FNDC3B: variants seen among roughly 807,000 people sequenced by gnomAD.
FNDC3B encodes fibronectin type III domain containing 3B.
In FNDC3B, 12 loss-of-function variants were observed where a neutral mutation model predicts 151.5. The observed-to-expected ratio is 0.08, with a 90% confidence interval of 0.05 to 0.13. The LOEUF (loss-of-function observed/expected upper bound fraction) is 0.13. Among genes scored for constraint, FNDC3B ranks in the 10% least tolerant of loss-of-function variants. The probability of loss-of-function intolerance (pLI) is 1.00; values close to 1 mark genes in which losing one functional copy is unlikely to be tolerated. For missense variants in FNDC3B, 1,214 were observed against 1,505.3 expected (o/e 0.81, Z 3.20); for synonymous variants, 528 against 549.0 (o/e 0.96, Z 0.54).
At chr3:172,081,490 G>A (rs1718277280) in intron 1 of FNDC3B, among the ~76,000 whole-genome samples, 1 of 151,838 alleles carries the variant, frequency 6.6e-6, no homozygotes. Flanking sequence ...TAATTATTAT[G>A]GGTACATAAT....
intron 1 of FNDC3B, among the ~76,000 whole-genome samples, chr3:172,077,161 T>TA (rs536068939): frequency 6.3e-4 from 95 of 151,872 alleles, no homozygotes; most frequent in African/African-American, 2.1e-3. Flanking sequence ...TTAAAAAAAA[T>TA]AAAAAAAAGT....
At chr3:172,214,834 C>G (rs1322566780) in intron 3 of FNDC3B, among the ~76,000 whole-genome samples, 1 of 152,218 alleles carries the variant, frequency 6.6e-6, no homozygotes, top group Non-Finnish European at 1.5e-5. Context: ...AAAGACTTTG[C>G]TTTATGGCAG....
intron 1 of FNDC3B, among the ~76,000 whole-genome samples, chr3:172,052,448 G>A (rs182547490): frequency 6.6e-6 from 1 of 152,152 alleles, no homozygotes; most frequent in Admixed American, 6.5e-5. Flanking sequence ...TCCCCCAAAT[G>A]TGCCTTGCTG....
intron 13 of FNDC3B, among the ~76,000 whole-genome samples, chr3:172,331,522 T>C (rs895180439): frequency 6.6e-6 from 1 of 152,102 alleles, no homozygotes; most frequent in Non-Finnish European, 1.5e-5. Context: ...CACACCCGGC[T>C]AATTTTTTTT....
At chr3:172,204,828 T>A (rs557701971) in intron 3 of FNDC3B, among the ~76,000 whole-genome samples, 8 of 152,338 alleles carry the variant, frequency 5.3e-5, no homozygotes, top group Admixed American at 2.0e-4. Flanking sequence ...TTTTGTGTGT[T>A]AAATTTCAGA....
intron 3 of FNDC3B, among the ~76,000 whole-genome samples, chr3:172,197,676 G>A (rs1160621732): frequency 2.0e-5 from 3 of 152,204 alleles, no homozygotes; most frequent in Non-Finnish European, 4.4e-5. Flanking sequence ...TGTTACTTGT[G>A]ACAGTTACAG....
intron 3 of FNDC3B, among the ~76,000 whole-genome samples, chr3:172,140,787 G>C (rs1721589161): frequency 6.6e-6 from 1 of 152,204 alleles, no homozygotes; most frequent in African/African-American, 2.4e-5. Flanking sequence ...TCTCAAGGGA[G>C]GTACTCAGGG....
chr3:172,203,169 A>G (rs368589234), intron 3 of FNDC3B, among the ~76,000 whole-genome samples: 28 of 152,242 alleles, frequency 1.8e-4, no homozygotes, highest in East Asian at 7.7e-4. Context: ...GGGCACTCTA[A>G]CATCCTGGAG....
intron 6 of FNDC3B, among the ~76,000 whole-genome samples, chr3:172,276,400 A>T (rs1409621001): frequency 3.3e-5 from 5 of 152,182 alleles, no homozygotes. Flanking sequence ...GCAGATTTTA[A>T]CACATTGAAT....
intron 19 of FNDC3B, 75 bp from the exon 20 acceptor site, chr3:172,346,252 C>T: frequency 1.3e-6 from 1 of 771,702 alleles, no homozygotes; most frequent in Non-Finnish European, 2.1e-6. Context: ...TGGTTATAAG[C>T]TTTTGTATGC....
At chr3:172,080,875 T>C (rs1718247135) in intron 1 of FNDC3B, among the ~76,000 whole-genome samples, 1 of 152,218 alleles carries the variant, frequency 6.6e-6, no homozygotes, top group African/African-American at 2.4e-5. Flanking sequence ...GTTTCAAGTG[T>C]TGGACTCATT....
intron 1 of FNDC3B, among the ~76,000 whole-genome samples, chr3:172,100,636 C>G (rs1254688032): frequency 1.3e-5 from 2 of 152,202 alleles, no homozygotes; most frequent in East Asian, 3.9e-4. Flanking sequence ...TTTGCACCTG[C>G]TAATTTGTTT....
chr3:172,394,119 A>AAAAAAAAAAG (rs1736158339), intron 25 of FNDC3B, among the ~76,000 whole-genome samples: 1 of 146,396 alleles, frequency 6.8e-6, no homozygotes, highest in East Asian at 1.9e-4. Flanking sequence ...AAAAAAAAAA[A>AAAAAAAAAAG]AAAAAAAAAA....
In FNDC3B at chr3:172,394,106, T is replaced by TAAAAAAAAAAAAAA. The variant is rs60559371; in HGVS notation, c.3304-3041_3304-3028dup. Among the ~76,000 whole-genome samples the TAAAAAAAAAAAAAA allele has an allele frequency of 3.6e-3, 60 of 16,646 alleles. 12 individuals are homozygous for TAAAAAAAAAAAAAA. The highest frequency in any genetic ancestry group is 5.7e-3 in the Non-Finnish European group (51 of 8,872). The allele number at this position is 16,646 out of a possible 152,430, so 10.9% of individuals were successfully genotyped here. The stretch of plus-strand genomic sequence containing the variant: ...CTGGGTGACAGAGTGAGACTCCTTC[T>TAAAAAAAAAAAAAA]AAAAAAAAAAAAAAAAAAAAAAAAA... On this transcript the variant is annotated intron_variant, in intron 25 of 25. Transcript: ENST00000415807.
chr3:172,210,705 T>C (rs932120857), intron 3 of FNDC3B, among the ~76,000 whole-genome samples: 3 of 152,164 alleles, frequency 2.0e-5, no homozygotes, highest in Admixed American at 1.3e-4. Flanking sequence ...TTCAGCCAAG[T>C]GCAAAAAAAT....
intron 3 of FNDC3B, among the ~76,000 whole-genome samples, chr3:172,203,880 A>C (rs1725294786): frequency 6.6e-6 from 1 of 152,244 alleles, no homozygotes; most frequent in African/African-American, 2.4e-5. Flanking sequence ...GATTGTGAAT[A>C]GACAGACATA....
intron 3 of FNDC3B, among the ~76,000 whole-genome samples, chr3:172,193,018 ATTGT>A (rs1400075509): frequency 6.6e-6 from 1 of 151,770 alleles, no homozygotes; most frequent in Admixed American, 6.6e-5. Flanking sequence ...TCTGCTTGTG[ATTGT>A]TTGTTAATTG....
chr3:172,135,288 G>T lies in FNDC3B; in HGVS notation c.187+1742G>T, dbSNP rs71308535. ...GTGTGTGTGTATATATGTGTTTTTT[G>T]TGTGTATATATGTATGTAATTTCAC... On this transcript the variant is annotated intron_variant, in intron 3 of 25. Coordinates refer to ENST00000415807, the MANE Select transcript of FNDC3B (RefSeq NM_022763.4). Among the ~76,000 whole-genome samples, 621 of 152,008 alleles carry T rather than the reference G, an allele frequency of 4.1e-3. 3 individuals carry two copies. The highest frequency in any genetic ancestry group is 7.0e-3 in the Non-Finnish European group (474 of 67,932).
At chr3:172,304,043 ACTGT>A (rs1251318892) in intron 9 of FNDC3B, among the ~76,000 whole-genome samples, 3 of 152,200 alleles carry the variant, frequency 2.0e-5, no homozygotes, top group Non-Finnish European at 4.4e-5. Flanking sequence ...GGCCCATACA[ACTGT>A]CTGTTTTCAA....
Sources: gnomAD v4.1 joint callset for allele counts (sites outside exome capture counted in the v4.1 genomes callset) on GRCh38, gnomAD v4.1.1 for gene constraint, MANE v1.5 for transcripts, NCBI Gene and HGNC (gene_info 2026-07-23, HGNC 2026-07-21) for gene names.